GFRA1: variants seen among roughly 807,000 people sequenced by gnomAD.
GFRA1 encodes GDNF family receptor alpha-1.
GFRA1 carries 16 observed loss-of-function variants against 51.6 expected under a neutral mutation model. The ratio of observed to expected loss-of-function variants is 0.31; its 90% CI spans 0.21 to 0.47. The LOEUF is 0.47. Ranked by LOEUF, GFRA1 falls within the 20% of genes least tolerant of loss-of-function variation. The probability of loss-of-function intolerance (pLI) is 1.00; values close to 1 mark genes in which losing one functional copy is unlikely to be tolerated. For missense variants in GFRA1, 530 were observed against 594.3 expected, an observed-to-expected ratio of 0.89 and a Z score of 1.13; for synonymous variants, 270 against 241.3, an observed-to-expected ratio of 1.12 and a Z score of -1.10.
At chr10:116,133,481 G>A (rs753893080) in intron 5 of GFRA1, among the ~76,000 whole-genome samples, 15 of 152,206 alleles carry the variant, frequency 9.9e-5, no homozygotes, top group Non-Finnish European at 1.9e-4. Flanking sequence ...GAGCATCTGG[G>A]TTTTAAATGT....
At chr10:116,116,830 A>T (rs1957429442) in intron 6 of GFRA1, among the ~76,000 whole-genome samples, 1 of 152,216 alleles carries the variant, frequency 6.6e-6, no homozygotes, top group South Asian at 2.1e-4. Flanking sequence ...AACGATGCTA[A>T]GAGGCTCTTA....
chr10:116,194,688 T>C (rs1963584283), intron 5 of GFRA1, among the ~76,000 whole-genome samples: 1 of 152,146 alleles, frequency 6.6e-6, no homozygotes, highest in Non-Finnish European at 1.5e-5. Context: ...GATTCACACA[T>C]AGCAGGACAT....
At chr10:116,255,777 T>C in intron 4 of GFRA1, 1 of 1,281,738 alleles carries the variant, frequency 7.8e-7, no homozygotes, top group South Asian at 1.2e-5. Flanking sequence ...CCCACCACCA[T>C]CTCCCCAGCA....
At chr10:116,198,673 T>G (rs963076769) in intron 5 of GFRA1, among the ~76,000 whole-genome samples, 1 of 152,150 alleles carries the variant, frequency 6.6e-6, no homozygotes, top group Non-Finnish European at 1.5e-5. Flanking sequence ...CTTTTCTATC[T>G]TCCTCAGGGT....
intron 4 of GFRA1, 108 bp downstream of exon 4, chr10:116,269,395 C>T (rs1969916460): frequency 8.0e-6 from 6 of 751,730 alleles, no homozygotes; most frequent in South Asian, 1.4e-5. Context: ...CCCAGAAACA[C>T]TGTGCCATTC....
intron 4 of GFRA1, among the ~76,000 whole-genome samples, chr10:116,246,651 G>A (rs1216275215): frequency 6.6e-6 from 1 of 152,132 alleles, no homozygotes; most frequent in African/African-American, 2.4e-5. Flanking sequence ...CAACACGGAG[G>A]CATAAGCAAA....
chr10:116,064,381 G>A lies in GFRA1; in HGVS notation c.*17C>T, dbSNP rs371953502. The A allele has an allele frequency of 1.9e-6, 3 of 1,607,878 alleles. No individual in the cohort carries two copies. ...TTTTGTCTTTTTACATGTCCATATTGTATTTTTTTAATGCAGCTATGATGT... is the reference window on the plus strand; with the variant it reads ...TTTTGTCTTTTTACATGTCCATATTATATTTTTTTAATGCAGCTATGATGT... On this transcript the variant is annotated 3_prime_UTR_variant, in exon 11 of 11. Coordinates refer to ENST00000355422, the MANE Select transcript of GFRA1 (RefSeq NM_005264.8).
chr10:116,200,012 A>G (rs1964202096), intron 5 of GFRA1, among the ~76,000 whole-genome samples: 1 of 152,324 alleles, frequency 6.6e-6, no homozygotes, highest in South Asian at 2.1e-4. Context: ...ACTCAGTGTA[A>G]TGTTTCTGAA....
intron 6 of GFRA1, among the ~76,000 whole-genome samples, chr10:116,102,218 A>C (rs1956843333): frequency 6.6e-6 from 1 of 152,156 alleles, no homozygotes; most frequent in African/African-American, 2.4e-5. Context: ...GCTGACTTTA[A>C]TTTCTCTGGG....
chr10:116,071,242 C>T (rs912578133), intron 9 of GFRA1, among the ~76,000 whole-genome samples: 2 of 152,172 alleles, frequency 1.3e-5, no homozygotes, highest in African/African-American at 4.8e-5. Flanking sequence ...CTGGGACTGT[C>T]TGGTCTCCTC....
At chr10:116,259,558 C>G (rs1172693479) in intron 4 of GFRA1, among the ~76,000 whole-genome samples, 1 of 152,112 alleles carries the variant, frequency 6.6e-6, no homozygotes, top group Non-Finnish European at 1.5e-5. Context: ...ACGGCAGGCC[C>G]AAATATTAAA....
intron 4 of GFRA1, among the ~76,000 whole-genome samples, chr10:116,246,840 T>C (rs1480145735): frequency 6.6e-6 from 1 of 152,192 alleles, no homozygotes; most frequent in Non-Finnish European, 1.5e-5. Context: ...ATATAAAATG[T>C]GCATGCCTCA....
At chr10:116,158,835 TA>T (rs1311631421) in intron 5 of GFRA1, among the ~76,000 whole-genome samples, 1 of 152,122 alleles carries the variant, frequency 6.6e-6, no homozygotes, top group Admixed American at 6.5e-5. Context: ...AAGGCAAGCT[TA>T]CAGGGGCACA....
At chr10:116,159,160 C>G (rs1959479705) in intron 5 of GFRA1, among the ~76,000 whole-genome samples, 1 of 152,114 alleles carries the variant, frequency 6.6e-6, no homozygotes. Flanking sequence ...CAGTTTCTCA[C>G]CTGACTTCAG....
At chr10:116,258,088 C>T (rs1260159397) in intron 4 of GFRA1, among the ~76,000 whole-genome samples, 1 of 152,176 alleles carries the variant, frequency 6.6e-6, no homozygotes, top group Non-Finnish European at 1.5e-5. Context: ...TGTGAGCTTT[C>T]TATGGGTTCT....
chr10:116,198,498 G>A (rs1183997566), intron 5 of GFRA1, among the ~76,000 whole-genome samples: 1 of 152,156 alleles, frequency 6.6e-6, no homozygotes, highest in African/African-American at 2.4e-5. Flanking sequence ...CTGTACCCAT[G>A]GATTTAATTT....
At chr10:116,181,918 C>T (rs1962267906) in intron 5 of GFRA1, among the ~76,000 whole-genome samples, 1 of 152,224 alleles carries the variant, frequency 6.6e-6, no homozygotes, top group East Asian at 1.9e-4. Flanking sequence ...GCTGGGATTA[C>T]AGGCGTGAGC....
intron 5 of GFRA1, among the ~76,000 whole-genome samples, chr10:116,198,713 C>A (rs1964092004): frequency 6.6e-6 from 1 of 152,152 alleles, no homozygotes; most frequent in Non-Finnish European, 1.5e-5. Context: ...CCTGGACTCT[C>A]TTTCTTGCCC....
intron 5 of GFRA1, among the ~76,000 whole-genome samples, chr10:116,136,941 T>C (rs1958350752): frequency 6.6e-6 from 1 of 152,226 alleles, no homozygotes; most frequent in Admixed American, 6.5e-5. Context: ...AGACGTCAGC[T>C]CTGAAAATAA....
Sources: allele counts gnomAD v4.1 joint callset (sites outside exome capture counted in the v4.1 genomes callset), GRCh38; gene constraint gnomAD v4.1.1; transcripts MANE v1.5; gene names NCBI Gene and HGNC (gene_info 2026-07-23, HGNC 2026-07-21).